The following PCDHGA2 variants were observed in gnomAD, a reference collection of about 807,000 sequenced individuals.
PCDHGA2 encodes the protein protocadherin gamma-A2.
Under a neutral mutation model 59.2 loss-of-function variants are expected in PCDHGA2, and 40 were observed. That is an observed-to-expected ratio of 0.68 (90% CI 0.52 to 0.88). The LOEUF (loss-of-function observed/expected upper bound fraction) is 0.88. PCDHGA2 is among the 40% of genes least tolerant of loss of function. The pLI is 0.00. For missense variants in PCDHGA2, 1,226 were observed against 1,204.0 expected (o/e 1.02, Z -0.27); for synonymous variants, 560 against 526.0 (o/e 1.06, Z -0.89).
intron 1 of PCDHGA2, chr5:141,399,413 C>T (rs1456440098): frequency 2.5e-5 from 41 of 1,613,930 alleles, no homozygotes; most frequent in Non-Finnish European, 3.2e-5. Context: ...CCGCCCCTCT[C>T]CTCCAGCATA....
At chr5:141,474,854 T>G (rs1007461186) in intron 1 of PCDHGA2, among the ~76,000 whole-genome samples, 3 of 152,260 alleles carry the variant, frequency 2.0e-5, no homozygotes, top group African/African-American at 7.2e-5. Flanking sequence ...CCTGCCTTCT[T>G]CATTTAATAG....
chr5:141,499,689 C>CTTTT (rs545067566), intron 2 of PCDHGA2, among the ~76,000 whole-genome samples: 17 of 119,848 alleles, frequency 1.4e-4, no homozygotes, highest in East Asian at 2.4e-4. Context: ...TAACAGATGA[C>CTTTT]TTTTTTTTTT....
intron 1 of PCDHGA2, chr5:141,484,931 A>T: frequency 4.0e-6 from 2 of 498,120 alleles, no homozygotes; most frequent in South Asian, 5.3e-5. Context: ...TGCTGTTGGG[A>T]CGTTCTCTGC....
At chr5:141,358,290 T>C (rs528714629) in intron 1 of PCDHGA2, among the ~76,000 whole-genome samples, 1 of 152,258 alleles carries the variant, frequency 6.6e-6, no homozygotes, top group African/African-American at 2.4e-5. Context: ...AAGGCAATTG[T>C]GTAAATTCAC....
At chr5:141,457,356 C>G (rs2098917888) in intron 1 of PCDHGA2, among the ~76,000 whole-genome samples, 1 of 152,170 alleles carries the variant, frequency 6.6e-6, no homozygotes, top group South Asian at 2.1e-4. Context: ...TTACCTGGCA[C>G]AATTTGCAAA....
At chr5:141,392,965 A>C in intron 1 of PCDHGA2, 1 of 1,613,890 alleles carries the variant, frequency 6.2e-7, no homozygotes, top group East Asian at 2.2e-5. Context: ...ATCTCCAAGG[A>C]CCTGGGGCTG....
chr5:141,388,510 A>T, intron 1 of PCDHGA2: 5 of 1,613,846 alleles, frequency 3.1e-6, no homozygotes, highest in Non-Finnish European at 4.2e-6. Context: ...AAATCCTACC[A>T]CTTGACTTTG....
At chr5:141,375,673 G>A (rs1467021613) in intron 1 of PCDHGA2, 1 of 1,614,248 alleles carries the variant, frequency 6.2e-7, no homozygotes. Flanking sequence ...ACCTACAGCT[G>A]TGGGTGACAG....
Position 141,493,359 on chromosome 5 carries a change from G to A in PCDHGA2, c.2425-1448G>A, listed in dbSNP as rs956980110. Among the ~76,000 whole-genome samples the A allele has an allele frequency of 2.6e-5, 4 of 152,148 alleles. No homozygotes were observed. The highest frequency in any genetic ancestry group is 9.7e-5 in the African/African-American group (4 of 41,418). ...CCAGAATGTGTGCTTTTAATTTCTT[G>A]GCACTTGGAACTTTAAAAGCTTGAG... On this transcript the variant is annotated intron_variant, in intron 1 of 3. Transcript: ENST00000394576. This position sits in a 1 kb window ranked among gnomAD's most constrained non-coding sequence, Gnocchi z 4.3.
chr5:141,430,952 C>G, intron 1 of PCDHGA2: 2 of 1,610,382 alleles, frequency 1.2e-6, no homozygotes, highest in African/African-American at 2.7e-5. Flanking sequence ...GCGCGGAGTC[C>G]GCATCATCCC....
chr5:141,341,287 G>C lies in PCDHGA2; in HGVS notation c.2316G>C (p.Gln772His). The change falls in exon 1 of 4, where the codon CAG (glutamine) becomes CAC (histidine). Residue 772 changes from glutamine (Q) to histidine (H), a missense_variant. Physicochemically the swap from Gln to His is conservative, Grantham distance 24 (BLOSUM62 0). Transcript: ENST00000394576. ...DSRKSHLIFP[Q>H]PNYADTLISQ... ...GGAAGAGCCACCTGATTTTCCCCCA[G>C]CCCAACTATGCGGACACGCTCATCA... 6.2e-7 allele frequency: 1 copy of C among 1,614,234 alleles called. No homozygotes were observed. The highest frequency in any genetic ancestry group is 2.2e-5 in the East Asian group (1 of 44,886).
At chr5:141,375,331 C>A (rs755265511) in intron 1 of PCDHGA2, 1 of 1,613,806 alleles carries the variant, frequency 6.2e-7, no homozygotes, top group East Asian at 2.2e-5. Flanking sequence ...AAGAGGTATT[C>A]TTGTACAACA....
At chr5:141,414,313 T>C in intron 1 of PCDHGA2, 1 of 1,613,748 alleles carries the variant, frequency 6.2e-7, no homozygotes, top group Non-Finnish European at 8.5e-7. Context: ...TGATTTAGAC[T>C]CTGAGCAGAA....
At chr5:141,382,782 G>A (rs1294010280) in intron 1 of PCDHGA2, 22 of 844,882 alleles carry the variant, frequency 2.6e-5, no homozygotes, top group African/African-American at 1.2e-4. Flanking sequence ...CTAAACTCAA[G>A]CCTCTATCCT....
chr5:141,386,745 G>A (rs2090694894), intron 1 of PCDHGA2, among the ~76,000 whole-genome samples: 1 of 152,124 alleles, frequency 6.6e-6, no homozygotes, highest in Non-Finnish European at 1.5e-5. Context: ...AGATCCTATG[G>A]CAGAACTACG....
intron 2 of PCDHGA2, among the ~76,000 whole-genome samples, chr5:141,498,009 C>T (rs1160103624): frequency 6.6e-6 from 1 of 152,146 alleles, no homozygotes; most frequent in African/African-American, 2.4e-5. Context: ...TTACAGTGCA[C>T]TGAAGGAGAC....
chr5:141,484,709 C>G (rs1223957454), intron 1 of PCDHGA2, among the ~76,000 whole-genome samples: 1 of 151,072 alleles, frequency 6.6e-6, no homozygotes, highest in Non-Finnish European at 1.5e-5. Context: ...TTTTCCCCGC[C>G]GAAAAGGGGC....
intron 1 of PCDHGA2, chr5:141,389,665 C>A (rs1258802999): frequency 6.2e-7 from 1 of 1,612,414 alleles, no homozygotes; most frequent in East Asian, 2.2e-5. Context: ...GCGGTGGACG[C>A]AGACTCAGGA....
At chr5:141,421,579 T>A (rs753573473) in intron 1 of PCDHGA2, 1 of 1,613,934 alleles carries the variant, frequency 6.2e-7, no homozygotes, top group Non-Finnish European at 8.5e-7. Flanking sequence ...CTTGAAGATT[T>A]ACGGAGTGGA....
Sources: allele counts gnomAD v4.1 joint callset (sites outside exome capture counted in the v4.1 genomes callset), GRCh38; gene constraint gnomAD v4.1.1; non-coding constraint Gnocchi (gnomAD v3.1); transcripts MANE v1.5; gene names NCBI Gene and HGNC (gene_info 2026-07-23, HGNC 2026-07-21).